The following MACROD2 variants were observed in gnomAD, a reference collection of about 807,000 sequenced individuals.
MACROD2 encodes mono-ADP ribosylhydrolase 2.
A neutral mutation model predicts 70.4 loss-of-function variants in MACROD2; 36 were observed. The observed-to-expected ratio is 0.51, with a 90% CI of 0.39 to 0.68. The LOEUF (loss-of-function observed/expected upper bound fraction) is 0.68, where lower values mean the gene tolerates loss of function less well. Among genes scored for constraint, MACROD2 ranks in the 30% least tolerant of loss-of-function variants. The pLI is 0.00. For synonymous variants in MACROD2, 172 were observed against 178.8 expected, an observed-to-expected ratio of 0.96 and a Z score of 0.30; for missense variants, 496 against 538.4, an observed-to-expected ratio of 0.92 and a Z score of 0.78.
intron 4 of MACROD2, among the ~76,000 whole-genome samples, chr20:14,517,974 T>G (rs2085121667): frequency 6.6e-6 from 1 of 152,170 alleles, no homozygotes; most frequent in African/African-American, 2.4e-5. Flanking sequence ...ACTGTTTTCT[T>G]TTTTGTAAAC....
At chr20:15,364,815 G>A (rs906373030) in intron 6 of MACROD2, among the ~76,000 whole-genome samples, 2 of 152,210 alleles carry the variant, frequency 1.3e-5, no homozygotes, top group African/African-American at 2.4e-5. Context: ...ATGAAGTGGA[G>A]GTTGTGAAAG....
intron 13 of MACROD2, among the ~76,000 whole-genome samples, chr20:15,977,304 G>A (rs1038547135): frequency 5.3e-5 from 8 of 152,202 alleles, no homozygotes; most frequent in African/African-American, 1.9e-4. Flanking sequence ...AAACGTCAAT[G>A]TGACTGGAAA....
intron 6 of MACROD2, among the ~76,000 whole-genome samples, chr20:15,293,905 G>A (rs1207559182): frequency 6.6e-6 from 1 of 152,072 alleles, no homozygotes; most frequent in Non-Finnish European, 1.5e-5. Context: ...ATCACCTGAG[G>A]TCAGGAGTTC....
intron 9 of MACROD2, among the ~76,000 whole-genome samples, chr20:15,877,648 T>G (rs966429628): frequency 6.6e-6 from 1 of 152,138 alleles, no homozygotes. Context: ...CAAGAAGTCA[T>G]GAGGATAACG....
chr20:15,029,661 A>G (rs1464713942), intron 5 of MACROD2, among the ~76,000 whole-genome samples: 1 of 152,160 alleles, frequency 6.6e-6, no homozygotes, highest in Non-Finnish European at 1.5e-5. Flanking sequence ...CATTATAATG[A>G]AGACCACTTC....
intron 5 of MACROD2, among the ~76,000 whole-genome samples, chr20:14,925,070 A>G (rs1252526405): frequency 1.3e-5 from 2 of 151,728 alleles, no homozygotes; most frequent in African/African-American, 4.8e-5. Context: ...GAAACTACGT[A>G]ATGCTTGTCT....
chr20:14,899,574 T>A (rs2073871801), intron 5 of MACROD2, among the ~76,000 whole-genome samples: 1 of 152,174 alleles, frequency 6.6e-6, no homozygotes, highest in African/African-American at 2.4e-5. Context: ...CTGCCTTTTT[T>A]AGAATGGCAT....
At chr20:15,523,081 T>A (rs1250399429) in intron 8 of MACROD2, among the ~76,000 whole-genome samples, 1 of 152,010 alleles carries the variant, frequency 6.6e-6, no homozygotes, top group African/African-American at 2.4e-5. Flanking sequence ...AGAAACTGGA[T>A]CATTTGGGAG....
At chr20:14,061,352 T>C (rs1379295347) in intron 2 of MACROD2, among the ~76,000 whole-genome samples, 1 of 152,180 alleles carries the variant, frequency 6.6e-6, no homozygotes. Flanking sequence ...TAATCTACAG[T>C]ATTTTGGCAG....
chr20:15,454,659 C>CTG lies in MACROD2; in HGVS notation c.571+23224_571+23225insTG, dbSNP rs1450890739. On this transcript the variant is annotated intron_variant, in intron 7 of 17. Coordinates refer to ENST00000684519, the MANE Select transcript of MACROD2 (RefSeq NM_001351661.2). ...CATTCCAGGCCAAGTTTCCAGCAGT[C>CTG]ACGCTGGCTCTCTTCATAAATCTGT... 7.7e-3 allele frequency among the ~76,000 whole-genome samples: 491 copies of CTG among 64,072 alleles called. 3 individuals carry two copies. Among genetic ancestry groups the CTG allele is most frequent in the South Asian group, 0.024 (34 of 1,398 alleles). The allele number at this position is 64,072 out of a possible 152,430, so 42.0% of individuals were successfully genotyped here. A position where few individuals can be genotyped will look rare whatever the true frequency, so the allele number is the denominator to read the frequency against.
At chr20:14,345,670 T>C (rs558193800) in intron 3 of MACROD2, among the ~76,000 whole-genome samples, 13 of 152,268 alleles carry the variant, frequency 8.5e-5, no homozygotes, top group African/African-American at 2.6e-4. Context: ...CGTCAGGTGA[T>C]CTGCCAGCGT....
At chr20:15,538,685 T>G (rs1363706529) in intron 8 of MACROD2, among the ~76,000 whole-genome samples, 1 of 152,258 alleles carries the variant, frequency 6.6e-6, no homozygotes, top group African/African-American at 2.4e-5. Flanking sequence ...TTAAAAATGC[T>G]GTCTTTTTGA....
rs886558070 is a variant in MACROD2 at position 14,899,601 on chromosome 20, G to A, written c.418+214642G>A. On this transcript the variant is annotated intron_variant, in intron 5 of 17. Transcript: ENST00000684519. ...GAATGGCATCAGTCATATTGGACTA[G>A]GGTTTGCCCTAATGACCTCTGTTAA... Among the ~76,000 whole-genome samples, 4 of 152,208 alleles carry A rather than the reference G, an allele frequency of 2.6e-5. No individual in the cohort carries two copies. The South Asian group carries it at 8.3e-4, about 32-fold the overall frequency.
In MACROD2 at chr20:14,020,153, T is replaced by C. The variant is rs540036560; in HGVS notation, c.163+17749T>C. ...AGGCTTTGTGATTTGCAATCTGGGA[T>C]GTAGATTGCAGTTTGTGATTACAGA... On this transcript the variant is annotated intron_variant, in intron 2 of 17. Transcript: ENST00000684519. Among the ~76,000 whole-genome samples the C allele has an allele frequency of 1.5e-4, 23 of 152,282 alleles. No homozygotes were observed. In the South Asian group the frequency reaches 4.6e-3, roughly 30 times the overall value.
intron 4 of MACROD2, among the ~76,000 whole-genome samples, chr20:14,653,514 G>T (rs546834028): frequency 6.9e-6 from 1 of 144,600 alleles, no homozygotes; most frequent in East Asian, 2.0e-4. Context: ...CACCAAGCCC[G>T]GCTGCAATTT....
At chr20:15,391,619 T>C (rs948927589) in intron 6 of MACROD2, among the ~76,000 whole-genome samples, 1 of 152,190 alleles carries the variant, frequency 6.6e-6, no homozygotes, top group Non-Finnish European at 1.5e-5. Flanking sequence ...TTTATTGGGA[T>C]TTCTGGGAAG....
chr20:15,715,295 A>T (rs6079938), intron 8 of MACROD2, among the ~76,000 whole-genome samples: 127,266 of 152,110 alleles, frequency 0.84, 53,733 homozygotes, highest in Middle Eastern at 0.9. Context: ...CTTTTAAGTC[A>T]TGTCAGCAAA....
chr20:14,401,441 GC>G (rs1328425337), intron 3 of MACROD2, among the ~76,000 whole-genome samples: 2 of 152,072 alleles, frequency 1.3e-5, no homozygotes, highest in Admixed American at 1.3e-4. Context: ...TTTCTTTACT[GC>G]CTGAAATTTT....
intron 5 of MACROD2, among the ~76,000 whole-genome samples, chr20:14,914,872 A>G (rs1319220255): frequency 1.3e-5 from 2 of 152,186 alleles, no homozygotes; most frequent in East Asian, 3.9e-4. Flanking sequence ...TCTGAAGAAA[A>G]CAGGGAAGAT....
Sources: allele counts gnomAD v4.1 joint callset (sites outside exome capture counted in the v4.1 genomes callset), GRCh38; gene constraint gnomAD v4.1.1; transcripts MANE v1.5; gene names NCBI Gene and HGNC (gene_info 2026-07-23, HGNC 2026-07-21).